The following ABHD2 variants were observed in gnomAD, a reference collection of about 807,000 sequenced individuals.
The protein encoded by ABHD2 is monoacylglycerol lipase ABHD2.
A neutral mutation model predicts 48.1 loss-of-function variants in ABHD2; 20 were observed. The observed-to-expected ratio is 0.42, with a 90% CI of 0.29 to 0.60. The LOEUF is 0.60. ABHD2 is among the 20% of genes least tolerant of loss of function. ABHD2 has a pLI of 0.24. For missense variants in ABHD2, 405 were observed against 550.9 expected, an observed-to-expected ratio of 0.74 and a Z score of 2.65; for synonymous variants, 209 against 214.2, an observed-to-expected ratio of 0.98 and a Z score of 0.21.
intron 5 of ABHD2, among the ~76,000 whole-genome samples, chr15:89,162,373 C>T (rs779625783): frequency 2.0e-4 from 31 of 152,152 alleles, no homozygotes; most frequent in Non-Finnish European, 4.3e-4. Flanking sequence ...TGCCACTTTT[C>T]GATCTCCTTC....
the ABHD2 span, among the ~76,000 whole-genome samples, chr15:89,068,754 C>CTTTTTTTTTTTTTTT: frequency 5.0e-4 from 36 of 71,384 alleles, 6 homozygotes; most frequent in East Asian, 2.8e-3. Context: ...CAAGCTTCCT[C>CTTTTTTTTTTTTTTT]TTTTTTTTTT....
intron 4 of ABHD2, among the ~76,000 whole-genome samples, chr15:89,152,928 A>G (rs2050616635): frequency 1.3e-5 from 2 of 152,222 alleles, no homozygotes; most frequent in Admixed American, 1.3e-4. Context: ...ATAGTATTCA[A>G]AAGCAACTTA....
At position 89,176,585 on chromosome 15, in the gene ABHD2, C is replaced by CTA. The variant is rs2051017210; in HGVS notation, c.722+590_722+591insTA. 6.6e-6 allele frequency among the ~76,000 whole-genome samples: 1 copy of CTA among 152,132 alleles called. No individual in the cohort carries two copies. The highest frequency in any genetic ancestry group is 1.5e-5 in the Non-Finnish European group (1 of 68,022). The stretch of plus-strand genomic sequence containing the variant: ...CAGTAGATGCCCCACAGGATGAGTC[C>CTA]CAGGAGGGCGTGGTCATCTGCCCCG... On this transcript the variant is annotated intron_variant, in intron 6 of 10. Transcript: ENST00000352732. The surrounding 1 kb of genome is among the most constrained non-coding windows in gnomAD (Gnocchi z 4.5).
chr15:89,173,477 G>A lies in ABHD2; in HGVS notation c.539-2335G>A, dbSNP rs1596144735. ...AACCCCAGCTACTCAGGGGGCTGAG[G>A]CAGGAGGATCGCTTGAACCTGAGAG... On this transcript the variant is annotated intron_variant, in intron 5 of 10. Coordinates refer to ENST00000352732, the MANE Select transcript of ABHD2 (RefSeq NM_152924.5). This position sits in a 1 kb window ranked among gnomAD's most constrained non-coding sequence, Gnocchi z 6.5. Among the ~76,000 whole-genome samples, 2 of 152,360 alleles carry A rather than the reference G, an allele frequency of 1.3e-5. No homozygotes were observed. Among genetic ancestry groups the A allele is most frequent in the South Asian group, 4.1e-4 (2 of 4,830 alleles).
At chr15:89,138,810 A>C (rs2050356438) in intron 3 of ABHD2, among the ~76,000 whole-genome samples, 1 of 152,176 alleles carries the variant, frequency 6.6e-6, no homozygotes, top group South Asian at 2.1e-4. Context: ...TGATAAAGTA[A>C]GGAACGCTTT....
the ABHD2 span, among the ~76,000 whole-genome samples, chr15:89,062,963 G>A: frequency 3.5e-4 from 52 of 147,594 alleles, no homozygotes; most frequent in African/African-American, 1.3e-3. Context: ...CACAATTGCT[G>A]CTGCTTTTTT....
At chr15:89,054,740 A>G in the ABHD2 span, among the ~76,000 whole-genome samples, 4 of 152,130 alleles carry the variant, frequency 2.6e-5, no homozygotes, top group African/African-American at 7.2e-5. Context: ...AACCACTGTT[A>G]ATATTTCAGT....
chr15:89,148,929 A>G (rs76516147), intron 3 of ABHD2, among the ~76,000 whole-genome samples: 8,932 of 152,272 alleles, frequency 0.059, 908 homozygotes, highest in African/African-American at 0.2. Context: ...GACCTAAACC[A>G]TGTGACTGGG....
Position 89,097,173 on chromosome 15 carries a change from A to T in ABHD2, c.-107+8610A>T, listed in dbSNP as rs571567841. ...GAGAGAATCATATAATGAACCTCCA[A>T]GCCCCACAAAACCCATCCCAGCTTT... On this transcript the variant is annotated intron_variant, in intron 1 of 10. Transcript: ENST00000352732. The surrounding 1 kb of genome is among the most constrained non-coding windows in gnomAD (Gnocchi z 4.2). Among the ~76,000 whole-genome samples, 399 of 152,324 alleles carry T rather than the reference A, an allele frequency of 2.6e-3. 2 individuals carry two copies. The highest frequency in any genetic ancestry group is 9.2e-3 in the African/African-American group (382 of 41,562).
At chr15:89,140,952 T>C (rs935310799) in intron 3 of ABHD2, among the ~76,000 whole-genome samples, 2 of 148,914 alleles carry the variant, frequency 1.3e-5, no homozygotes, top group African/African-American at 4.9e-5. Flanking sequence ...AACTTTATTA[T>C]AGTTAATAGT....
At chr15:89,170,876 G>C (rs1722419020) in intron 5 of ABHD2, among the ~76,000 whole-genome samples, 1 of 152,192 alleles carries the variant, frequency 6.6e-6, no homozygotes, top group Non-Finnish European at 1.5e-5. Context: ...CCAGCACTTT[G>C]GGAGGCCGAG....
At position 89,198,304 on chromosome 15, in the gene ABHD2, T is replaced by C. The variant is rs966856776; in HGVS notation, c.*2881T>C. On this transcript the variant is annotated 3_prime_UTR_variant, in exon 11 of 11. Coordinates refer to ENST00000352732, the MANE Select transcript of ABHD2 (RefSeq NM_152924.5). This position sits in a 1 kb window ranked among gnomAD's most constrained non-coding sequence, Gnocchi z 5.1. ...TGGGGAGAAGCACCCACATCTCTCC[T>C]GTAGCACTCCGTGTCTCATAAGCAA... 2.0e-5 allele frequency: 3 copies of C among 152,256 alleles called. No individual in the cohort carries two copies. Among genetic ancestry groups the C allele is most frequent in the Non-Finnish European group, 4.4e-5 (3 of 68,044 alleles). 9.4% of individuals were successfully genotyped at this position (152,256 alleles called of 1,614,324 possible). A position where few individuals can be genotyped will look rare whatever the true frequency, so the allele number is the denominator to read the frequency against.
chr15:89,053,338 G>A, the ABHD2 span, among the ~76,000 whole-genome samples: 11 of 152,054 alleles, frequency 7.2e-5, no homozygotes, highest in East Asian at 5.8e-4. Flanking sequence ...ACTTTGTTAC[G>A]GCAGCCCTAG....
chr15:89,150,140 G>GGTTTGAGGAAGA (rs1360562621), intron 3 of ABHD2, among the ~76,000 whole-genome samples: 38 of 152,310 alleles, frequency 2.5e-4, no homozygotes, highest in African/African-American at 8.4e-4. Context: ...TCAGAAGGTA[G>GGTTTGAGGAAGA]GCATATGAAA....
At position 89,153,821 on chromosome 15, in the gene ABHD2, A is replaced by G. The variant is rs147700011; in HGVS notation, c.371-1546A>G. On this transcript the variant is annotated intron_variant, in intron 4 of 10. Coordinates refer to ENST00000352732, the MANE Select transcript of ABHD2 (RefSeq NM_152924.5). ...GTTCCATTTTCTTACAGTTCTATGC[A>G]TTGTTTTTCCAAAATCTGAATTATC... Among the ~76,000 whole-genome samples the G allele has an allele frequency of 2.6e-3, 389 of 152,294 alleles. 4 individuals carry two copies. Among genetic ancestry groups the G allele is most frequent in the Non-Finnish European group, 3.7e-3 (251 of 68,018 alleles).
the ABHD2 span, among the ~76,000 whole-genome samples, chr15:89,049,529 G>GA: frequency 6.6e-6 from 1 of 152,260 alleles, no homozygotes; most frequent in African/African-American, 2.4e-5. Context: ...TGCTGTGCTA[G>GA]CAATCAGTGA....
chr15:89,095,074 A>AG (rs2049592030), intron 1 of ABHD2, among the ~76,000 whole-genome samples: 1 of 151,938 alleles, frequency 6.6e-6, no homozygotes, highest in South Asian at 2.1e-4. Flanking sequence ...AAAAAAAAAA[A>AG]AAAAAAAAAA....
Position 89,200,855 on chromosome 15 carries a change from G to A in ABHD2, c.*5432G>A. 1 of 330,532 alleles carries A rather than the reference G, an allele frequency of 3.0e-6. No homozygotes were observed. Among genetic ancestry groups the A allele is most frequent in the Non-Finnish European group, 5.7e-6 (1 of 176,594 alleles). The allele number at this position is 330,532 out of a possible 1,614,324, so 20.5% of individuals were successfully genotyped here. A position where few individuals can be genotyped will look rare whatever the true frequency, so the allele number is the denominator to read the frequency against. On this transcript the variant is annotated 3_prime_UTR_variant, in exon 11 of 11. Transcript: ENST00000352732. ...CCCAGCACTTTGGAGGCCGAGGCGGGTAGATCACCTGAGGTTAGGAGTTCA... is the reference window on the plus strand; with the variant it reads ...CCCAGCACTTTGGAGGCCGAGGCGGATAGATCACCTGAGGTTAGGAGTTCA...
At position 89,116,593 on chromosome 15, in the gene ABHD2, A is replaced by T; in HGVS notation, c.194+72A>T. 6.7e-7 allele frequency: 1 copy of T among 1,492,198 alleles called. No individual in the cohort carries two copies. The highest frequency in any genetic ancestry group is 9.1e-7 in the Non-Finnish European group (1 of 1,099,938). 92.4% of individuals were successfully genotyped at this position (1,492,198 alleles called of 1,614,324 possible). ...GGCTTTGTGTGATGTTCAAAGAAGA[A>T]ACTTCTCTCATCGTGTCCTTAAGGC... On this transcript the variant is annotated intron_variant, in intron 3 of 10. Coordinates refer to ENST00000352732, the MANE Select transcript of ABHD2 (RefSeq NM_152924.5). This position sits in a 1 kb window ranked among gnomAD's most constrained non-coding sequence, Gnocchi z 4.6.
Sources: gnomAD v4.1 joint callset for allele counts (sites outside exome capture counted in the v4.1 genomes callset) on GRCh38, gnomAD v4.1.1 for gene constraint, Gnocchi (gnomAD v3.1) non-coding constraint, MANE v1.5 for transcripts, NCBI Gene and HGNC (gene_info 2026-07-23, HGNC 2026-07-21) for gene names.